MRPS9: variants seen among roughly 807,000 people sequenced by gnomAD.
MRPS9 encodes mitochondrial ribosomal protein S9.
A neutral mutation model predicts 59.9 loss-of-function variants in MRPS9; 45 were observed. The observed-to-expected ratio is 0.75, with a 90% CI of 0.59 to 0.96. The LOEUF (loss-of-function observed/expected upper bound fraction) is 0.96, where lower values mean the gene tolerates loss of function less well. Among genes scored for constraint, MRPS9 ranks in the 40% least tolerant of loss-of-function variants. The pLI is 0.00. For missense variants in MRPS9, 473 were observed against 481.1 expected (o/e 0.98, Z 0.16); for synonymous variants, 171 against 166.8 (o/e 1.03, Z -0.19).
chr2:105,047,928 A>G (rs1679622927), intron 1 of MRPS9, among the ~76,000 whole-genome samples: 1 of 151,916 alleles, frequency 6.6e-6, no homozygotes, highest in Non-Finnish European at 1.5e-5. Flanking sequence ...TAGTATTTCT[A>G]GTTCTAGATC....
At chr2:105,099,539 T>C in intron 10 of MRPS9, 131 bp from the exon 11 acceptor site, 1 of 701,392 alleles carries the variant, frequency 1.4e-6, no homozygotes. Flanking sequence ...GCTGGTAAAT[T>C]ATTACTGGTC....
chr2:105,097,849 A>T (rs1052684512), intron 10 of MRPS9, among the ~76,000 whole-genome samples: 3 of 151,872 alleles, frequency 2.0e-5, no homozygotes, highest in Admixed American at 1.3e-4. Context: ...TATGACATAC[A>T]CTCCCAAACC....
chr2:105,078,358 A>G (rs1223177965), intron 4 of MRPS9, among the ~76,000 whole-genome samples: 1 of 150,396 alleles, frequency 6.6e-6, no homozygotes, highest in South Asian at 2.1e-4. Flanking sequence ...TCACATATGT[A>G]ATGAAATCAA....
intron 1 of MRPS9, among the ~76,000 whole-genome samples, chr2:105,046,442 T>G (rs921520049): frequency 1.3e-5 from 2 of 151,966 alleles, no homozygotes; most frequent in South Asian, 2.1e-4. Context: ...TCCTTCTCTT[T>G]TAAGTGTCAA....
intron 1 of MRPS9, among the ~76,000 whole-genome samples, chr2:105,047,668 A>T (rs1679617663): frequency 6.6e-6 from 1 of 152,120 alleles, no homozygotes; most frequent in Non-Finnish European, 1.5e-5. Flanking sequence ...AGATCTTAAG[A>T]AAAGCCAGGA....
chr2:105,038,460 G>C (rs1679434224), intron 1 of MRPS9: 1 of 544,652 alleles, frequency 1.8e-6, no homozygotes, highest in Non-Finnish European at 3.2e-6. Context: ...TTACCTGAAG[G>C]TAGAAGTGGA....
chr2:105,075,381 G>T (rs1046502161), intron 4 of MRPS9, among the ~76,000 whole-genome samples: 3 of 152,160 alleles, frequency 2.0e-5, no homozygotes, highest in Non-Finnish European at 4.4e-5. Flanking sequence ...CTGTGGCCCA[G>T]GGGTTGGGTA....
chr2:105,096,510 C>T (rs1680662995), intron 9 of MRPS9, among the ~76,000 whole-genome samples: 1 of 151,866 alleles, frequency 6.6e-6, no homozygotes, highest in Non-Finnish European at 1.5e-5. Context: ...TCTTGTAGGC[C>T]CTGACCGACC....
chr2:105,091,374 C>T (rs972448973), intron 7 of MRPS9: 1 of 471,078 alleles, frequency 2.1e-6, no homozygotes. Context: ...TAGCTGAGCA[C>T]AGAACGCCCA....
At chr2:105,089,828 A>G in intron 6 of MRPS9, 92 bp from the exon 7 acceptor site, 1 of 811,708 alleles carries the variant, frequency 1.2e-6, no homozygotes, top group Non-Finnish European at 1.9e-6. Context: ...TGATTTTCAA[A>G]TCATAAAATT....
chr2:105,089,596 A>G (rs898405943), intron 6 of MRPS9, among the ~76,000 whole-genome samples: 3 of 152,196 alleles, frequency 2.0e-5, no homozygotes, highest in African/African-American at 7.2e-5. Context: ...TGACAGGTTA[A>G]CGTTGTATCT....
intron 4 of MRPS9, among the ~76,000 whole-genome samples, chr2:105,074,768 AATAAT>A (rs1680175203): frequency 6.6e-6 from 1 of 152,160 alleles, no homozygotes; most frequent in Non-Finnish European, 1.5e-5. Flanking sequence ...TAGTTGAAAG[AATAAT>A]ATAATTGCCA....
Position 105,092,502 on chromosome 2 carries a change from A to T in MRPS9, c.753A>T (p.Glu251Asp), listed in dbSNP as rs747834778. 1 of 1,614,034 alleles carries T rather than the reference A, an allele frequency of 6.2e-7. No homozygotes were observed. Among genetic ancestry groups the T allele is most frequent in the East Asian group, 2.2e-5 (1 of 44,870 alleles). The part of the protein sequence containing the change: ...VQRFRRSVTL[E>D]SKKQLIEPVQ... The stretch of plus-strand genomic sequence containing the variant: ...GGTTTCGAAGAAGTGTAACTCTTGA[A>T]TCAAAAAAACAGCTGATTGAACCTG... Residue 251 changes from glutamate (E) to aspartate (D), a missense_variant, in exon 8 of 11, where the codon GAA becomes GAT. By Grantham distance (45) the Glu-to-Asp change is conservative (BLOSUM62 2). Transcript: ENST00000258455.
At chr2:105,061,603 G>C (rs566547312) in intron 2 of MRPS9, among the ~76,000 whole-genome samples, 1 of 152,158 alleles carries the variant, frequency 6.6e-6, no homozygotes, top group African/African-American at 2.4e-5. Context: ...ACCCGCAGCA[G>C]GTTTAGAGAG....
chr2:105,073,436 A>G (rs1191644035), intron 4 of MRPS9, among the ~76,000 whole-genome samples: 1 of 152,116 alleles, frequency 6.6e-6, no homozygotes, highest in African/African-American at 2.4e-5. Flanking sequence ...AGAATTAGTA[A>G]AATTTTTTTG....
intron 1 of MRPS9, 88 bp downstream of exon 1, chr2:105,038,315 G>A (rs1679429043): frequency 6.6e-7 from 1 of 1,522,370 alleles, no homozygotes; most frequent in South Asian, 1.2e-5. Context: ...CGTCTCGCGT[G>A]CCTTCAGGCA....
intron 7 of MRPS9, among the ~76,000 whole-genome samples, 156 bp downstream of exon 7, chr2:105,090,151 A>C (rs1680530476): frequency 6.6e-6 from 1 of 152,096 alleles, no homozygotes; most frequent in Non-Finnish European, 1.5e-5. Context: ...CAAAACAAAA[A>C]AACAAAACAC....
chr2:105,089,803 ATAT>A (rs755655528), intron 6 of MRPS9, 114 bp from the exon 7 acceptor site: 1 of 618,306 alleles, frequency 1.6e-6, no homozygotes, highest in Non-Finnish European at 2.7e-6. Context: ...AATTACTGCT[ATAT>A]AATATAAAAA....
intron 10 of MRPS9, among the ~76,000 whole-genome samples, chr2:105,098,902 T>C (rs1336593399): frequency 3.9e-5 from 6 of 152,340 alleles, no homozygotes; most frequent in African/African-American, 1.4e-4. Flanking sequence ...TGGTCTTTAC[T>C]AACTTACTAT....
Sources: allele counts gnomAD v4.1 joint callset (sites outside exome capture counted in the v4.1 genomes callset), GRCh38; gene constraint gnomAD v4.1.1; transcripts MANE v1.5; gene names NCBI Gene and HGNC (gene_info 2026-07-23, HGNC 2026-07-21).